MAD1L1: variants seen among roughly 807,000 people sequenced by gnomAD.
MAD1L1 encodes mitotic arrest deficient 1 like 1, also known as mitotic spindle assembly checkpoint protein MAD1.
In MAD1L1, 95 loss-of-function variants were observed where a neutral mutation model predicts 96.9. The observed-to-expected ratio is 0.98, with a 90% CI of 0.83 to 1.16. The LOEUF is 1.16. Among genes scored for constraint, MAD1L1 ranks in the 50% most tolerant of loss-of-function variants. The pLI, the probability that MAD1L1 is intolerant of heterozygous loss-of-function variation, is 0.00. For missense variants in MAD1L1, 1,007 were observed against 954.4 expected (o/e 1.06, Z -0.73); for synonymous variants, 473 against 396.6 (o/e 1.19, Z -2.29).
chr7:2,016,722 T>G (rs1325833274), intron 12 of MAD1L1, among the ~76,000 whole-genome samples: 1 of 152,242 alleles, frequency 6.6e-6, no homozygotes, highest in Non-Finnish European at 1.5e-5. Context: ...GGTGCCACCC[T>G]GGTGTGGACT....
In MAD1L1 at chr7:1,980,523, T is replaced by TCTTCAG. The variant is rs758171120; in HGVS notation, c.1429_1434dup (p.Leu477_Lys478dup). On this transcript the variant is annotated inframe_insertion, in exon 15 of 19. Coordinates refer to ENST00000265854, the MANE Select transcript of MAD1L1 (RefSeq NM_001013836.2). ...GCAGAGCTGGACTGAGACTTCAGCA[T>TCTTCAG]CTTCAGCTCCATCTCCAGCTAGGAG... 1.9e-6 allele frequency: 3 copies of TCTTCAG among 1,607,852 alleles called. No individual in the cohort carries two copies. The South Asian group carries it at 3.3e-5, about 18-fold the overall frequency.
intron 18 of MAD1L1, among the ~76,000 whole-genome samples, chr7:1,871,196 T>A (rs112056338): frequency 5.9e-4 from 31 of 52,206 alleles, no homozygotes; most frequent in African/African-American, 1.2e-3. Context: ...ACGCCTGCCA[T>A]GCTGAACCCA....
chr7:1,888,606 A>G (rs75924025), intron 18 of MAD1L1, among the ~76,000 whole-genome samples: 12,290 of 145,506 alleles, frequency 0.084, 1,154 homozygotes, highest in African/African-American at 0.24. Context: ...GTGGCTGCCT[A>G]TGCATGTGTG....
rs372205476 is a variant in MAD1L1 at position 1,881,180 on chromosome 7, G to A, written c.1998+17020C>T. ...ACGAGATGAGCCAAGTCTCATTCCCGGAAGTCTTACATGGCTGAAATAGAT... is the reference window on the plus strand; with the variant it reads ...ACGAGATGAGCCAAGTCTCATTCCCAGAAGTCTTACATGGCTGAAATAGAT... On this transcript the variant is annotated intron_variant, in intron 18 of 18. Coordinates refer to ENST00000265854, the MANE Select transcript of MAD1L1 (RefSeq NM_001013836.2). Among the ~76,000 whole-genome samples, 49 of 152,240 alleles carry A rather than the reference G, an allele frequency of 3.2e-4. No individual in the cohort carries two copies. The South Asian group carries it at 8.7e-3, about 27-fold the overall frequency.
intron 18 of MAD1L1, among the ~76,000 whole-genome samples, chr7:1,863,787 G>C (rs750876711): frequency 1.3e-5 from 2 of 152,120 alleles, no homozygotes; most frequent in Non-Finnish European, 2.9e-5. Context: ...GGGGGCCCAA[G>C]GATAGAAAGC....
intron 18 of MAD1L1, among the ~76,000 whole-genome samples, chr7:1,826,123 C>T (rs536969648): frequency 5.3e-5 from 8 of 152,256 alleles, no homozygotes; most frequent in South Asian, 2.1e-4. Context: ...CCTGTTAGAC[C>T]GGGATACCGA....
intron 12 of MAD1L1, among the ~76,000 whole-genome samples, chr7:2,033,240 C>T (rs540353644): frequency 6.6e-6 from 1 of 152,242 alleles, no homozygotes; most frequent in Non-Finnish European, 1.5e-5. Context: ...GTGAGTAACG[C>T]ACCCCGGGGG....
intron 12 of MAD1L1, among the ~76,000 whole-genome samples, chr7:2,037,316 G>A (rs955502804): frequency 2.0e-5 from 3 of 150,742 alleles, no homozygotes; most frequent in African/African-American, 2.4e-5. Flanking sequence ...CATCTTACAC[G>A]AGCACAGTGT....
At chr7:1,975,981 G>A (rs998095458) in intron 15 of MAD1L1, among the ~76,000 whole-genome samples, 4 of 152,228 alleles carry the variant, frequency 2.6e-5, no homozygotes, top group African/African-American at 7.2e-5. Context: ...CAGCAGAGAG[G>A]ACGGGCTCAG....
intron 18 of MAD1L1, among the ~76,000 whole-genome samples, chr7:1,890,652 A>G (rs1786479981): frequency 6.6e-6 from 1 of 152,242 alleles, no homozygotes; most frequent in Non-Finnish European, 1.5e-5. Context: ...ACGGAGGCCC[A>G]GGCTGTGCCG....
chr7:2,119,641 A>C lies in MAD1L1; in HGVS notation c.1073+29511T>G, dbSNP rs912700304. Among the ~76,000 whole-genome samples the C allele has an allele frequency of 3.3e-5, 5 of 152,282 alleles. No homozygotes were observed. The highest frequency in any genetic ancestry group is 4.8e-5 in the African/African-American group (2 of 41,540). On this transcript the variant is annotated intron_variant, in intron 11 of 18. Coordinates refer to ENST00000265854, the MANE Select transcript of MAD1L1 (RefSeq NM_001013836.2). This position sits in a 1 kb window ranked among gnomAD's most constrained non-coding sequence, Gnocchi z 4.6. ...CAGGTGGGCTACAGCTGCAGGACAGAGGGCTGGAGCTCTGGAGGGTAACCT... is the reference window on the plus strand; with the variant it reads ...CAGGTGGGCTACAGCTGCAGGACAGCGGGCTGGAGCTCTGGAGGGTAACCT...
intron 10 of MAD1L1, among the ~76,000 whole-genome samples, chr7:2,168,878 G>A (rs1790569195): frequency 6.6e-6 from 1 of 152,254 alleles, no homozygotes; most frequent in African/African-American, 2.4e-5. Flanking sequence ...AGGAGCCAGG[G>A]ATTGTGGCTG....
chr7:1,818,304 C>A (rs1430042591), intron 18 of MAD1L1, among the ~76,000 whole-genome samples: 1 of 152,114 alleles, frequency 6.6e-6, no homozygotes, highest in Admixed American at 6.6e-5. Context: ...CAGGCTGGAC[C>A]AGAGAATAGC....
rs533734251 is a variant in MAD1L1 at position 2,083,909 on chromosome 7, G to A, written c.1074-14571C>T. The stretch of plus-strand genomic sequence containing the variant: ...GCAGGATGCTCCCAGTGATTCCAGC[G>A]CAGTCAGACCCTGGGGTGGGGAGGA... On this transcript the variant is annotated intron_variant, in intron 11 of 18. Coordinates refer to ENST00000265854, the MANE Select transcript of MAD1L1 (RefSeq NM_001013836.2). Among the ~76,000 whole-genome samples the A allele has an allele frequency of 3.3e-5, 5 of 152,362 alleles. No individual in the cohort carries two copies. In the East Asian group the frequency reaches 5.8e-4, roughly 18 times the overall value.
At chr7:1,918,843 T>G (rs1562523837) in intron 17 of MAD1L1, among the ~76,000 whole-genome samples, 2 of 152,152 alleles carry the variant, frequency 1.3e-5, no homozygotes, top group Admixed American at 6.5e-5. Context: ...GGGCGACTGG[T>G]GCTGTGGCTA....
At chr7:1,936,996 C>A (rs1216442100) in intron 16 of MAD1L1, 99 bp from the exon 17 acceptor site, 5 of 911,704 alleles carry the variant, frequency 5.5e-6, no homozygotes, top group Non-Finnish European at 8.4e-6. Flanking sequence ...AGACACACAG[C>A]ACGGGTCACA....
At chr7:2,194,030 GC>G (rs1791863372) in intron 10 of MAD1L1, among the ~76,000 whole-genome samples, 3 of 140,152 alleles carry the variant, frequency 2.1e-5, no homozygotes, top group South Asian at 2.3e-4. Flanking sequence ...TGCAGCCTCG[GC>G]CTCCTGGGCT....
chr7:2,016,797 A>G (rs1782562363), intron 12 of MAD1L1, among the ~76,000 whole-genome samples: 1 of 152,252 alleles, frequency 6.6e-6, no homozygotes, highest in African/African-American at 2.4e-5. Flanking sequence ...TACAAATCCA[A>G]CTAGAACGGG....
chr7:2,162,139 G>T (rs1450616404), intron 10 of MAD1L1, among the ~76,000 whole-genome samples: 1 of 150,212 alleles, frequency 6.7e-6, no homozygotes, highest in Non-Finnish European at 1.5e-5. Flanking sequence ...CGGTTTTGTC[G>T]AATAGAAAAG....
Sources: gnomAD v4.1 joint callset for allele counts (sites outside exome capture counted in the v4.1 genomes callset) on GRCh38, gnomAD v4.1.1 for gene constraint, Gnocchi (gnomAD v3.1) non-coding constraint, MANE v1.5 for transcripts, NCBI Gene and HGNC (gene_info 2026-07-23, HGNC 2026-07-21) for gene names.